The following DOCK1 variants were observed in gnomAD, a reference collection of about 807,000 sequenced individuals.
DOCK1 encodes the protein dedicator of cytokinesis 1.
A neutral mutation model predicts 262.7 loss-of-function variants in DOCK1; 138 were observed. The ratio of observed to expected loss-of-function variants is 0.53; its 90% CI spans 0.46 to 0.61. DOCK1 has a LOEUF of 0.61. DOCK1 is among the 20% of genes least tolerant of loss of function. The pLI is 0.00. For missense variants in DOCK1, 1,908 were observed against 2,370.7 expected (o/e 0.80, Z 4.05); for synonymous variants, 866 against 867.4 (o/e 1.00, Z 0.03).
intron 1 of DOCK1, among the ~76,000 whole-genome samples, chr10:126,933,321 A>G (rs2034320945): frequency 6.6e-6 from 1 of 152,222 alleles, no homozygotes; most frequent in Non-Finnish European, 1.5e-5. Context: ...TGAAGCTGTT[A>G]CTGTAAGTGC....
At chr10:127,059,013 G>C (rs536843495) in intron 22 of DOCK1, among the ~76,000 whole-genome samples, 1 of 151,854 alleles carries the variant, frequency 6.6e-6, no homozygotes, top group Non-Finnish European at 1.5e-5. Context: ...TTTAGTGTTG[G>C]CCAGTTATGG....
chr10:127,283,360 G>A (rs1187493062), intron 29 of DOCK1, among the ~76,000 whole-genome samples: 4 of 152,212 alleles, frequency 2.6e-5, no homozygotes, highest in Non-Finnish European at 5.9e-5. Flanking sequence ...CAGGGGCTGG[G>A]CCCACCTTTG....
intron 33 of DOCK1, among the ~76,000 whole-genome samples, chr10:127,369,117 C>T (rs2065077380): frequency 6.6e-6 from 1 of 152,214 alleles, no homozygotes. Flanking sequence ...AATCTCTTCA[C>T]ACTGCCCATG....
At chr10:127,380,725 G>GA (rs1349840788) in intron 36 of DOCK1, among the ~76,000 whole-genome samples, 2 of 152,194 alleles carry the variant, frequency 1.3e-5, no homozygotes, top group Admixed American at 1.3e-4. Flanking sequence ...TGGAGACTAG[G>GA]AGAAGGATGT....
chr10:126,947,967 A>G (rs1405252359), intron 1 of DOCK1, among the ~76,000 whole-genome samples: 1 of 125,104 alleles, frequency 8.0e-6, no homozygotes, highest in Non-Finnish European at 1.6e-5. Context: ...TGGTAGTATT[A>G]CTGTTGGTGG....
At chr10:126,947,318 G>A (rs1030943374) in intron 1 of DOCK1, among the ~76,000 whole-genome samples, 209 of 141,100 alleles carry the variant, frequency 1.5e-3, no homozygotes, top group African/African-American at 5.5e-3. Context: ...GGTGGTGATG[G>A]TGGTGGTTGG....
chr10:127,031,218 G>A (rs1437701984), intron 16 of DOCK1, among the ~76,000 whole-genome samples: 3 of 152,162 alleles, frequency 2.0e-5, no homozygotes, highest in Non-Finnish European at 2.9e-5. Flanking sequence ...TTGTTTCCAG[G>A]CCCTGTTGAT....
At chr10:127,128,384 T>TG (rs1188859740) in intron 27 of DOCK1, among the ~76,000 whole-genome samples, 1 of 152,018 alleles carries the variant, frequency 6.6e-6, no homozygotes, top group Non-Finnish European at 1.5e-5. Context: ...TTTCCTTTTT[T>TG]TTTTTTTCTT....
chr10:126,934,729 C>A (rs2034437457), intron 1 of DOCK1, among the ~76,000 whole-genome samples: 1 of 146,852 alleles, frequency 6.8e-6, no homozygotes, highest in South Asian at 2.1e-4. Flanking sequence ...CTAGTCACAG[C>A]CTATTTGGAA....
chr10:127,439,585 G>A (rs747721619), intron 49 of DOCK1, among the ~76,000 whole-genome samples: 1 of 152,160 alleles, frequency 6.6e-6, no homozygotes, highest in Non-Finnish European at 1.5e-5. Flanking sequence ...CTTGGTGTCC[G>A]CTAATGCCTT....
At chr10:127,146,226 T>A in intron 27 of DOCK1, 1 of 258,050 alleles carries the variant, frequency 3.9e-6, no homozygotes. Context: ...GCTGGGACTA[T>A]CAGTATAATT....
intron 45 of DOCK1, 109 bp downstream of exon 45, chr10:127,418,650 C>T (rs1408954373): frequency 9.6e-6 from 13 of 1,349,854 alleles, no homozygotes; most frequent in Admixed American, 5.5e-5. Context: ...ATTGAGCAAT[C>T]TCAGCAGTGG....
chr10:126,944,871 C>T (rs2035277043), intron 1 of DOCK1, among the ~76,000 whole-genome samples: 1 of 152,124 alleles, frequency 6.6e-6, no homozygotes, highest in South Asian at 2.1e-4. Flanking sequence ...CTGATCCTCT[C>T]TCTGTCACCC....
intron 51 of DOCK1, 59 bp from the exon 52 acceptor site, chr10:127,451,273 G>A: frequency 6.5e-7 from 1 of 1,539,106 alleles, no homozygotes; most frequent in East Asian, 2.4e-5. Flanking sequence ...CCTGGAGACG[G>A]TGTCTTTTCT....
intron 27 of DOCK1, among the ~76,000 whole-genome samples, chr10:127,209,779 A>T (rs1458843595): frequency 6.6e-6 from 1 of 152,238 alleles, no homozygotes; most frequent in Non-Finnish European, 1.5e-5. Flanking sequence ...CATAGAATTT[A>T]TGGAAAGAAC....
intron 1 of DOCK1, among the ~76,000 whole-genome samples, chr10:126,957,972 A>G (rs2036883298): frequency 6.6e-6 from 1 of 152,232 alleles, no homozygotes; most frequent in South Asian, 2.1e-4. Flanking sequence ...ATAAAGGAGC[A>G]CATAGGATTC....
intron 47 of DOCK1, among the ~76,000 whole-genome samples, chr10:127,430,249 C>T (rs1030321196): frequency 2.0e-5 from 3 of 152,210 alleles, no homozygotes; most frequent in African/African-American, 4.8e-5. Context: ...TCTCCTCTCT[C>T]GCCCTCCCTC....
At chr10:127,433,500 C>A in intron 48 of DOCK1, 72 bp downstream of exon 48, 1 of 1,520,520 alleles carries the variant, frequency 6.6e-7, no homozygotes, top group South Asian at 1.3e-5. Context: ...CCACCCAGGG[C>A]TCTGGGTTTA....
At chr10:127,393,922 C>G (rs939713013) in intron 38 of DOCK1, among the ~76,000 whole-genome samples, 4 of 151,902 alleles carry the variant, frequency 2.6e-5, no homozygotes, top group Admixed American at 1.3e-4. Flanking sequence ...TTTTCCATTC[C>G]ATTCTTGCCG....
Sources: allele counts gnomAD v4.1 joint callset (sites outside exome capture counted in the v4.1 genomes callset), GRCh38; gene constraint gnomAD v4.1.1; transcripts MANE v1.5; gene names NCBI Gene and HGNC (gene_info 2026-07-23, HGNC 2026-07-21).